Variants in GAB3 observed in about 807,000 individuals in gnomAD.
GAB3 encodes GRB2-associated-binding protein 3.
Under a neutral mutation model 40.4 loss-of-function variants are expected in GAB3, and 12 were observed. That is an observed-to-expected ratio of 0.30 (90% CI 0.19 to 0.48). The LOEUF (loss-of-function observed/expected upper bound fraction) is 0.48, where lower values mean the gene tolerates loss of function less well. GAB3 is among the 20% of genes least tolerant of loss of function. The pLI is 0.99. For missense variants in GAB3, 381 were observed against 461.9 expected (o/e 0.82, Z 1.61); for synonymous variants, 154 against 176.7 (o/e 0.87, Z 1.02).
Position 154,677,735 on chromosome X carries a change from C to T in GAB3, c.*443G>A, listed in dbSNP as rs141555380. On this transcript the variant is annotated 3_prime_UTR_variant, in exon 10 of 10. Transcript: ENST00000424127. ...TGAAGTCTGTGGAGTAAGATTCTGC[C>T]ACCATTGCTGGGCTTGATCTCCTCA... 0.03 allele frequency: 4,781 copies of T among 159,781 alleles called. 239 individuals are homozygous for T. Among genetic ancestry groups the T allele is most frequent in the African/African-American group, 0.14 (4,497 of 32,467 alleles). The allele number at this position is 159,781 out of a possible 1,213,427, so 13.2% of individuals were successfully genotyped here. A position where few individuals can be genotyped will look rare whatever the true frequency, so the allele number is the denominator to read the frequency against.
Position 154,750,997 on chromosome X carries a change from C to A in GAB3, c.29G>T (p.Gly10Val). 1 of 823,980 alleles carries A rather than the reference C, an allele frequency of 1.2e-6. No homozygotes were observed. The highest frequency in any genetic ancestry group is 1.5e-6 in the Non-Finnish European group (1 of 676,718). The allele number at this position is 823,980 out of a possible 1,213,427, so 67.9% of individuals were successfully genotyped here. A position where few individuals can be genotyped will look rare whatever the true frequency, so the allele number is the denominator to read the frequency against. ...CTCGGGGGGCGACTTAACGAGCCAG[C>A]CGGTGCACACTGCGTCGCCCGCACT... MSAGDAVCT[G>V]WLVKSPPERK... Residue 10 changes from glycine to valine, a missense_variant, in exon 1 of 10, where the codon GGC (glycine) becomes GTC (valine). Physicochemically the swap from Gly to Val is moderately radical, Grantham distance 109. Transcript: ENST00000424127.
chrX:154,709,140 CTTCA>C (rs201471303), intron 4 of GAB3, among the ~76,000 whole-genome samples: 11 of 70,431 alleles, frequency 1.6e-4, no homozygotes, highest in African/African-American at 5.2e-4. Flanking sequence ...GCACCTCCCC[CTTCA>C]CTCTCTTCCT....
intron 1 of GAB3, among the ~76,000 whole-genome samples, chrX:154,733,861 A>G (rs1186812741): frequency 8.9e-6 from 1 of 112,406 alleles, no homozygotes; most frequent in Non-Finnish European, 1.9e-5. Context: ...TCTCAAATCT[A>G]AAGACTTTCC....
chrX:154,748,820 G>T (rs1472159740), intron 1 of GAB3, among the ~76,000 whole-genome samples: 3 of 112,206 alleles, frequency 2.7e-5, no homozygotes, highest in African/African-American at 9.7e-5. Context: ...CGGAGTTAGC[G>T]CTCCGTTAAC....
intron 1 of GAB3, among the ~76,000 whole-genome samples, chrX:154,740,048 ACT>A (rs1205029506): frequency 1.8e-5 from 2 of 112,613 alleles, no homozygotes; most frequent in East Asian, 5.5e-4. Flanking sequence ...GCACTTTCAT[ACT>A]CTGTTGCTGA....
chrX:154,708,495 A>G (rs1165263498), intron 4 of GAB3, among the ~76,000 whole-genome samples: 6 of 112,399 alleles, frequency 5.3e-5, no homozygotes, highest in Admixed American at 4.7e-4. Context: ...GGTTAACAGT[A>G]AAAATATATA....
chrX:154,696,628 C>T (rs1156600474), intron 7 of GAB3, among the ~76,000 whole-genome samples: 17 of 112,239 alleles, frequency 1.5e-4, no homozygotes, highest in African/African-American at 5.2e-4. Flanking sequence ...TCTACCCAGC[C>T]CGTGAACCTG....
chrX:154,713,473 C>T (rs371134740), intron 2 of GAB3, 47 bp from the exon 3 acceptor site: 72 of 1,064,661 alleles, frequency 6.8e-5, no homozygotes, highest in Middle Eastern at 3.5e-4. Context: ...GGCTATAACA[C>T]GCACTCAAAA....
At chrX:154,726,375 G>C (rs1029089508) in intron 1 of GAB3, among the ~76,000 whole-genome samples, 1 of 111,800 alleles carries the variant, frequency 8.9e-6, no homozygotes, top group Non-Finnish European at 1.9e-5. Flanking sequence ...CCTGGGAAGA[G>C]AGGAATAACC....
At chrX:154,695,297 A>T (rs782041884) in intron 8 of GAB3, among the ~76,000 whole-genome samples, 1 of 112,065 alleles carries the variant, frequency 8.9e-6, no homozygotes, top group Non-Finnish European at 1.9e-5. Flanking sequence ...CAAGATGAAG[A>T]GAATAGAAGG....
chrX:154,724,565 C>A (rs2071185327), intron 1 of GAB3, among the ~76,000 whole-genome samples: 2 of 110,405 alleles, frequency 1.8e-5, no homozygotes, highest in Non-Finnish European at 3.8e-5. Flanking sequence ...GCCACAGCAA[C>A]CAAGCTGACT....
intron 1 of GAB3, among the ~76,000 whole-genome samples, chrX:154,748,183 A>G (rs2071556707): frequency 8.9e-6 from 1 of 112,738 alleles, no homozygotes; most frequent in Non-Finnish European, 1.9e-5. Context: ...ATATTTGACA[A>G]TGCTTTAACG....
At chrX:154,687,217 A>G (rs1174773242) in intron 8 of GAB3, among the ~76,000 whole-genome samples, 1 of 110,751 alleles carries the variant, frequency 9.0e-6, no homozygotes, top group Non-Finnish European at 1.9e-5. Context: ...ACAAAACAAA[A>G]AAAACAAAAA....
chrX:154,690,112 G>A (rs1350486620), intron 8 of GAB3, among the ~76,000 whole-genome samples: 2 of 108,196 alleles, frequency 1.8e-5, no homozygotes, highest in African/African-American at 3.3e-5. Context: ...AAACAACGCC[G>A]CATATCTACA....
chrX:154,735,379 T>C (rs1286942032), intron 1 of GAB3, among the ~76,000 whole-genome samples: 1 of 111,839 alleles, frequency 8.9e-6, no homozygotes, highest in Non-Finnish European at 1.9e-5. Flanking sequence ...CGGAGTGAAA[T>C]GAAAAGTCTA....
intron 9 of GAB3, among the ~76,000 whole-genome samples, chrX:154,678,541 G>A (rs372633275): frequency 8.9e-6 from 1 of 111,789 alleles, no homozygotes; most frequent in South Asian, 3.8e-4. Context: ...ATGGCGGCAC[G>A]TGCCTGTAAT....
At chrX:154,738,861 T>C (rs1426710763) in intron 1 of GAB3, among the ~76,000 whole-genome samples, 2 of 111,988 alleles carry the variant, frequency 1.8e-5, no homozygotes, top group Admixed American at 9.5e-5. Flanking sequence ...TGGAGTAACA[T>C]TGTCAGTTGT....
At chrX:154,707,338 A>G (rs1557253902) in intron 4 of GAB3, among the ~76,000 whole-genome samples, 1 of 112,330 alleles carries the variant, frequency 8.9e-6, no homozygotes, top group African/African-American at 3.2e-5. Flanking sequence ...AAATAATATG[A>G]TTATAAAGTG....
intron 1 of GAB3, among the ~76,000 whole-genome samples, chrX:154,723,489 A>G (rs948842439): frequency 2.7e-5 from 3 of 111,842 alleles, no homozygotes; most frequent in South Asian, 3.8e-4. Context: ...TAAAGAGTAC[A>G]AAAGATGATG....
Sources: gnomAD v4.1 joint callset for allele counts (sites outside exome capture counted in the v4.1 genomes callset) on GRCh38, gnomAD v4.1.1 for gene constraint, MANE v1.5 for transcripts, NCBI Gene and HGNC (gene_info 2026-07-23, HGNC 2026-07-21) for gene names.